The following JAK1 variants were observed in gnomAD, a reference collection of about 807,000 sequenced individuals.
JAK1 encodes the protein Janus kinase 1.
In JAK1, 16 loss-of-function variants were observed where a neutral mutation model predicts 136.6. The ratio of observed to expected loss-of-function variants is 0.12; its 90% CI spans 0.08 to 0.18. The LOEUF is 0.18. Among genes scored for constraint, JAK1 ranks in the 10% least tolerant of loss-of-function variants. JAK1 has a pLI of 1.00. For synonymous variants in JAK1, 492 were observed against 519.5 expected, an observed-to-expected ratio of 0.95 and a Z score of 0.72; for missense variants, 859 against 1,450.1, an observed-to-expected ratio of 0.59 and a Z score of 6.62.
chr1:65,062,511 T>C (rs1647838360), intron 1 of JAK1, among the ~76,000 whole-genome samples: 2 of 152,190 alleles, frequency 1.3e-5, no homozygotes, highest in Admixed American at 1.3e-4. Flanking sequence ...ACCAAAGACT[T>C]GCAATGACCT....
intron 2 of JAK1, among the ~76,000 whole-genome samples, chr1:65,025,308 C>T (rs374075948): frequency 9.2e-5 from 14 of 152,142 alleles, no homozygotes; most frequent in Admixed American, 7.2e-4. Context: ...GATTCCAAGT[C>T]GGGGAAGAGA....
chr1:64,839,818 T>C (rs746637431), intron 19 of JAK1, 23 bp from the exon 20 acceptor site: 1 of 1,582,522 alleles, frequency 6.3e-7, no homozygotes, highest in South Asian at 1.1e-5. Context: ...ATGCATGTGC[T>C]GTTATCAGGG....
chr1:64,839,968 C>T lies in JAK1; in HGVS notation c.2650-173G>A, dbSNP rs149060842. Among the ~76,000 whole-genome samples the T allele has an allele frequency of 1.7e-3, 264 of 152,364 alleles. 2 individuals carry two copies. The highest frequency in any genetic ancestry group is 3.9e-3 in the Admixed American group (59 of 15,312). ...GTACTTGCTCACTACAGCCCCCTCG[C>T]TCTCTTGGCCTCACAAACTGTCCCC... On this transcript the variant is annotated intron_variant, in intron 19 of 24. Coordinates refer to ENST00000342505, the MANE Select transcript of JAK1 (RefSeq NM_002227.4).
At chr1:64,906,950 C>T (rs1465961198) in intron 1 of JAK1, among the ~76,000 whole-genome samples, 1 of 149,774 alleles carries the variant, frequency 6.7e-6, no homozygotes, top group Admixed American at 6.7e-5. Flanking sequence ...CCACTAAATG[C>T]ACATACTCAA....
intron 1 of JAK1, among the ~76,000 whole-genome samples, chr1:65,049,862 A>G (rs1006056136): frequency 6.6e-6 from 1 of 152,068 alleles, no homozygotes; most frequent in Non-Finnish European, 1.5e-5. Context: ...TGGCTTACCA[A>G]TTTTCAGACA....
chr1:64,841,049 G>A (rs1030180328), intron 19 of JAK1, among the ~76,000 whole-genome samples, 196 bp downstream of exon 19: 6 of 152,160 alleles, frequency 3.9e-5, no homozygotes, highest in South Asian at 2.1e-4. Flanking sequence ...CGTGCATTCC[G>A]TCCGTGCCGT....
At chr1:64,989,324 C>T (rs1646632558) in intron 2 of JAK1, 1 of 139,128 alleles carries the variant, frequency 7.2e-6, no homozygotes, top group Non-Finnish European at 1.5e-5. Context: ...GACTCCATCT[C>T]AAATAAATAA....
At position 64,834,073 on chromosome 1, in the gene JAK1, T is replaced by C; in HGVS notation, c.*489A>G. ...TGGTATCTAATATTTTAAGAATGCATGGTCTAGTACTGTATAGATACTGAA... is the reference window on the plus strand; with the variant it reads ...TGGTATCTAATATTTTAAGAATGCACGGTCTAGTACTGTATAGATACTGAA... On this transcript the variant is annotated 3_prime_UTR_variant, in exon 25 of 25. Transcript: ENST00000342505. 1 of 233,134 alleles carries C rather than the reference T, an allele frequency of 4.3e-6. No homozygotes were observed. The highest frequency in any genetic ancestry group is 8.5e-6 in the Non-Finnish European group (1 of 117,990). 14.4% of individuals were successfully genotyped at this position (233,134 alleles called of 1,614,324 possible). A position where few individuals can be genotyped will look rare whatever the true frequency, so the allele number is the denominator to read the frequency against.
intron 3 of JAK1, among the ~76,000 whole-genome samples, chr1:64,882,304 C>T (rs978859594): frequency 1.3e-5 from 2 of 152,168 alleles, no homozygotes; most frequent in African/African-American, 4.8e-5. Flanking sequence ...AATAACCAAC[C>T]TATCCCCTCA....
At chr1:64,976,834 C>A (rs909720089) in intron 2 of JAK1, among the ~76,000 whole-genome samples, 1 of 152,118 alleles carries the variant, frequency 6.6e-6, no homozygotes, top group Non-Finnish European at 1.5e-5. Context: ...AGGTTAACAA[C>A]CACCTTTTCC....
intron 1 of JAK1, among the ~76,000 whole-genome samples, chr1:64,951,932 C>G (rs750162155): frequency 1.7e-4 from 26 of 152,106 alleles, no homozygotes; most frequent in Non-Finnish European, 3.5e-4. Context: ...GCTGGGATTA[C>G]AGGCGTGAGC....
In JAK1 at chr1:64,873,529, A is replaced by G; in HGVS notation, c.330-6T>C. The G allele has an allele frequency of 2.5e-6, 4 of 1,614,088 alleles. No individual in the cohort carries two copies. Among genetic ancestry groups the G allele is most frequent in the Non-Finnish European group, 3.4e-6 (4 of 1,179,940 alleles). On this transcript the variant is annotated splice_polypyrimidine_tract_variant and splice_region_variant and intron_variant, in intron 4 of 24. Coordinates refer to ENST00000342505, the MANE Select transcript of JAK1 (RefSeq NM_002227.4). ...GCCAATTGGTGAAATAGAACCTGGA[A>G]GGCAGGAAAATGAATGCCAATTGTG...
chr1:64,914,915 A>T (rs1645366564), intron 1 of JAK1, among the ~76,000 whole-genome samples: 1 of 152,160 alleles, frequency 6.6e-6, no homozygotes, highest in Non-Finnish European at 1.5e-5. Context: ...CAACTTGGGG[A>T]ACGTGTGATG....
At chr1:64,982,083 AAC>A (rs5774736) in intron 2 of JAK1, among the ~76,000 whole-genome samples, 30,822 of 150,106 alleles carry the variant, frequency 0.21, 3,935 homozygotes, top group African/African-American at 0.34. Context: ...TAAGTTAAAT[AAC>A]ACACACACAC....
At chr1:64,974,018 G>A (rs919372049) in intron 2 of JAK1, 1 of 152,158 alleles carries the variant, frequency 6.6e-6, no homozygotes, top group Admixed American at 6.5e-5. Context: ...AATCATGTAT[G>A]TATATATAAT....
intron 2 of JAK1, among the ~76,000 whole-genome samples, chr1:65,021,886 T>C (rs1051867672): frequency 6.6e-6 from 1 of 152,162 alleles, no homozygotes; most frequent in Admixed American, 6.6e-5. Context: ...ACAATGGAAC[T>C]AGAAGCTCAG....
At chr1:64,878,755 A>T (rs1644722320) in intron 4 of JAK1, among the ~76,000 whole-genome samples, 1 of 151,930 alleles carries the variant, frequency 6.6e-6, no homozygotes, top group Non-Finnish European at 1.5e-5. Context: ...CCATTTGAAA[A>T]ACTCTGCTGT....
chr1:64,907,010 A>AG, intron 1 of JAK1, among the ~76,000 whole-genome samples: 1 of 152,048 alleles, frequency 6.6e-6, no homozygotes, highest in Non-Finnish European at 1.5e-5. Context: ...AGCACAAAAA[A>AG]AAAAAAAAGA....
At chr1:64,874,537 T>C (rs1657278533) in intron 4 of JAK1, among the ~76,000 whole-genome samples, 1 of 152,130 alleles carries the variant, frequency 6.6e-6, no homozygotes, top group South Asian at 2.1e-4. Flanking sequence ...CACAGGGGGT[T>C]GGTGCCCCTA....
Sources: allele counts gnomAD v4.1 joint callset (sites outside exome capture counted in the v4.1 genomes callset), GRCh38; gene constraint gnomAD v4.1.1; transcripts MANE v1.5; gene names NCBI Gene and HGNC (gene_info 2026-07-23, HGNC 2026-07-21).